RNLS: variants seen among roughly 807,000 people sequenced by gnomAD.
The protein encoded by RNLS is renalase.
A neutral mutation model predicts 39.8 loss-of-function variants in RNLS; 39 were observed. The observed-to-expected ratio is 0.98, with a 90% CI of 0.76 to 1.28. The LOEUF (loss-of-function observed/expected upper bound fraction) is 1.28, where lower values mean the gene tolerates loss of function less well. Ranked by LOEUF, RNLS falls within the 50% of genes most tolerant of loss-of-function variation. The pLI, the probability that RNLS is intolerant of heterozygous loss-of-function variation, is 0.00. For missense variants in RNLS, 410 were observed against 413.3 expected (o/e 0.99, Z 0.07); for synonymous variants, 147 against 150.7 (o/e 0.98, Z 0.18).
intron 1 of RNLS, 124 bp downstream of exon 1, chr10:88,582,949 G>C (rs911901821): frequency 2.6e-6 from 3 of 1,135,878 alleles, no homozygotes; most frequent in Non-Finnish European, 1.2e-6. Context: ...CGCGCTACAC[G>C]GCCGCTCAGG....
At position 88,536,186 on chromosome 10, in the gene RNLS, T is replaced by C. The variant is rs187902754; in HGVS notation, c.526+36717A>G. Among the ~76,000 whole-genome samples, 17 of 152,322 alleles carry C rather than the reference T, an allele frequency of 1.1e-4. No homozygotes were observed. In the East Asian group the frequency reaches 1.4e-3, roughly 12 times the overall value. On this transcript the variant is annotated intron_variant, in intron 4 of 6. Transcript: ENST00000331772. ...TGGTACCTCCCTCACAGGGGTGTTA[T>C]GTGAAATACCTAATGTTTGGAAAGG...
At chr10:88,191,839 G>A in the RNLS span, among the ~76,000 whole-genome samples, 1 of 152,112 alleles carries the variant, frequency 6.6e-6, no homozygotes, top group Non-Finnish European at 1.5e-5. Context: ...TTCCTCACTT[G>A]TGTGTAAAAC....
intron 6 of RNLS, among the ~76,000 whole-genome samples, chr10:88,311,646 G>A (rs895879580): frequency 6.6e-6 from 1 of 152,146 alleles, no homozygotes; most frequent in Admixed American, 6.5e-5. Flanking sequence ...GCTTGCCCTA[G>A]ACAAACTTCA....
At chr10:88,263,280 G>A in the RNLS span, among the ~76,000 whole-genome samples, 2 of 152,200 alleles carry the variant, frequency 1.3e-5, no homozygotes, top group South Asian at 4.2e-4. Flanking sequence ...AAATTATATG[G>A]TGTCTGGAAA....
intron 4 of RNLS, among the ~76,000 whole-genome samples, chr10:88,393,679 T>C (rs1321202472): frequency 1.3e-5 from 2 of 152,118 alleles, no homozygotes; most frequent in Non-Finnish European, 2.9e-5. Flanking sequence ...CTTCACAGAA[T>C]TGGAAAAAAC....
In RNLS at chr10:88,402,114, C is replaced by T. The variant is rs535073896; in HGVS notation, c.527-39389G>A. On this transcript the variant is annotated intron_variant, in intron 4 of 6. Transcript: ENST00000331772. Reference sequence around the variant, plus strand: ...AAAGAATGAGGATTTTTTTATCATGCCTTTCAAAAGAGGGAGCTCTAGAGT... The same window carrying T: ...AAAGAATGAGGATTTTTTTATCATGTCTTTCAAAAGAGGGAGCTCTAGAGT... 7.2e-5 allele frequency among the ~76,000 whole-genome samples: 11 copies of T among 152,048 alleles called. No homozygotes were observed. In the South Asian group the frequency reaches 2.1e-3, roughly 29 times the overall value.
At chr10:88,338,758 CTTTTTTTTTTT>C (rs36061512) in intron 5 of RNLS, among the ~76,000 whole-genome samples, 1 of 112,496 alleles carries the variant, frequency 8.9e-6, no homozygotes, top group Non-Finnish European at 1.8e-5. Context: ...GCTAGATTTC[CTTTTTTTTTTT>C]TTTTTTTTTT....
the RNLS span, among the ~76,000 whole-genome samples, chr10:88,256,865 T>C: frequency 6.6e-6 from 1 of 152,172 alleles, no homozygotes; most frequent in African/African-American, 2.4e-5. Flanking sequence ...CTCACTCCTC[T>C]GACATCTCGA....
intron 4 of RNLS, among the ~76,000 whole-genome samples, chr10:88,483,482 G>A (rs1187915950): frequency 6.6e-6 from 1 of 151,998 alleles, no homozygotes; most frequent in Non-Finnish European, 1.5e-5. Flanking sequence ...AAATTTTCTT[G>A]TTAACTGTGA....
intron 4 of RNLS, among the ~76,000 whole-genome samples, chr10:88,518,689 ACT>A (rs1846538858): frequency 6.6e-6 from 1 of 151,964 alleles, no homozygotes. Context: ...GAAAAAAATC[ACT>A]GTCTACCTAG....
intron 5 of RNLS, among the ~76,000 whole-genome samples, chr10:88,322,905 T>C (rs988411793): frequency 6.6e-6 from 1 of 152,098 alleles, no homozygotes; most frequent in African/African-American, 2.4e-5. Context: ...TCCAAAGGAC[T>C]CCTAGACCTG....
At chr10:88,299,291 G>T (rs1379419212) in intron 6 of RNLS, among the ~76,000 whole-genome samples, 2 of 152,054 alleles carry the variant, frequency 1.3e-5, no homozygotes, top group Admixed American at 1.3e-4. Context: ...CAATTTATCA[G>T]TTTCTTTCTG....
At chr10:88,562,303 A>G (rs1186741732) in intron 4 of RNLS, among the ~76,000 whole-genome samples, 7 of 152,224 alleles carry the variant, frequency 4.6e-5, no homozygotes, top group African/African-American at 1.7e-4. Flanking sequence ...ATAGATAAAC[A>G]AGAGATGAAA....
the RNLS span, among the ~76,000 whole-genome samples, chr10:88,173,222 A>C: frequency 6.6e-6 from 1 of 152,080 alleles, no homozygotes; most frequent in African/African-American, 2.4e-5. Flanking sequence ...TTTTTCCATC[A>C]CCATTTATTG....
chr10:88,330,092 AATAT>A lies in RNLS; in HGVS notation c.701-15455_701-15452del, dbSNP rs1174778839. Among the ~76,000 whole-genome samples the A allele has an allele frequency of 8.0e-4, 110 of 138,232 alleles. 1 individual carries two copies. The highest frequency in any genetic ancestry group is 1.1e-3 in the Non-Finnish European group (73 of 63,914). The allele number at this position is 138,232 out of a possible 152,430, so 90.7% of individuals were successfully genotyped here. The stretch of plus-strand genomic sequence containing the variant: ...TGAGATATATATATATATATATATA[AATAT>A]AAATATATATACACACACTATATAT... On this transcript the variant is annotated intron_variant, in intron 5 of 6. Coordinates refer to ENST00000331772, the MANE Select transcript of RNLS (RefSeq NM_001031709.3).
At chr10:88,320,132 A>G (rs1035915863) in intron 5 of RNLS, among the ~76,000 whole-genome samples, 5 of 151,540 alleles carry the variant, frequency 3.3e-5, no homozygotes, top group African/African-American at 1.2e-4. Context: ...GATTGGGGGT[A>G]TATTTTTAAC....
At chr10:88,173,687 A>C in the RNLS span, among the ~76,000 whole-genome samples, 1 of 152,172 alleles carries the variant, frequency 6.6e-6, no homozygotes, top group Non-Finnish European at 1.5e-5. Flanking sequence ...CCTTTTATGC[A>C]ACAAAGTTCC....
At chr10:88,407,287 C>T (rs148486362) in intron 4 of RNLS, among the ~76,000 whole-genome samples, 564 of 152,064 alleles carry the variant, frequency 3.7e-3, no homozygotes, top group African/African-American at 0.013. Context: ...TAATATCTAT[C>T]CTTTTGAGTA....
At chr10:88,524,949 G>GCACACACACACA (rs761145374) in intron 4 of RNLS, among the ~76,000 whole-genome samples, 27 of 49,664 alleles carry the variant, frequency 5.4e-4, no homozygotes, top group African/African-American at 1.3e-3. Flanking sequence ...TATATATATG[G>GCACACACACACA]CACACACATA....
Sources: allele counts gnomAD v4.1 joint callset (sites outside exome capture counted in the v4.1 genomes callset), GRCh38; gene constraint gnomAD v4.1.1; transcripts MANE v1.5; gene names NCBI Gene and HGNC (gene_info 2026-07-23, HGNC 2026-07-21).